Variants in LHFPL2 observed in about 807,000 individuals in gnomAD.
The protein encoded by LHFPL2 is LHFPL tetraspan subfamily member 2 protein.
In LHFPL2, 7 loss-of-function variants were observed where a neutral mutation model predicts 17.5. That is an observed-to-expected ratio of 0.40 (90% confidence interval 0.23 to 0.75). The LOEUF (loss-of-function observed/expected upper bound fraction) is 0.75. Ranked by LOEUF, LHFPL2 falls within the 30% of genes least tolerant of loss-of-function variation. LHFPL2 has a pLI of 0.37. For missense variants in LHFPL2, 241 were observed against 294.8 expected (o/e 0.82, Z 1.34); for synonymous variants, 134 against 116.2 (o/e 1.15, Z -0.99).
chr5:78,496,764 C>T (rs548658469), intron 4 of LHFPL2, among the ~76,000 whole-genome samples: 2 of 152,332 alleles, frequency 1.3e-5, no homozygotes, highest in Non-Finnish European at 2.9e-5. Flanking sequence ...GATCATCAGC[C>T]AGTGCTCTGC....
At chr5:78,584,730 T>G (rs1272220420) in intron 2 of LHFPL2, among the ~76,000 whole-genome samples, 2 of 152,170 alleles carry the variant, frequency 1.3e-5, no homozygotes, top group African/African-American at 2.4e-5. Flanking sequence ...GTTATTGCTG[T>G]CTTTTTGTTT....
intron 2 of LHFPL2, among the ~76,000 whole-genome samples, chr5:78,592,784 T>TAC (rs370959500): frequency 0.014 from 2,027 of 140,288 alleles, 100 homozygotes; most frequent in African/African-American, 0.056. Context: ...AAAATTCAGA[T>TAC]ACACACACAC....
rs1754214902 is a variant in LHFPL2 at position 78,485,694 on chromosome 5, G to A, written c.*3203C>T. 1 of 152,552 alleles carries A rather than the reference G, an allele frequency of 6.6e-6. No individual in the cohort carries two copies. The highest frequency in any genetic ancestry group is 1.5e-5 in the Non-Finnish European group (1 of 68,018). 9.4% of individuals were successfully genotyped at this position (152,552 alleles called of 1,614,324 possible). A position where few individuals can be genotyped will look rare whatever the true frequency, so the allele number is the denominator to read the frequency against. On this transcript the variant is annotated 3_prime_UTR_variant, in exon 5 of 5. Transcript: ENST00000380345. ...TCTAGCATTAGCATGGTCTATAAAA[G>A]CATGTTAAGAAATAGCTCCTCAGTG...
intron 4 of LHFPL2, chr5:78,494,629 C>T (rs1754547654): frequency 4.5e-6 from 2 of 444,538 alleles, no homozygotes; most frequent in South Asian, 1.9e-4. Context: ...GACAACCTCA[C>T]CGATGGTCAT....
intron 3 of LHFPL2, among the ~76,000 whole-genome samples, chr5:78,514,272 G>C (rs537103285): frequency 1.8e-4 from 27 of 152,040 alleles, no homozygotes; most frequent in African/African-American, 6.5e-4. Context: ...TCACATCCCA[G>C]GTGATTGTGG....
chr5:78,606,143 A>T lies in LHFPL2; in HGVS notation c.-245+26121T>A, dbSNP rs529013271. Reference sequence around the variant, plus strand: ...GGTCAGGTTTCTTGAGGGGAACAAAACTTAACAAAATAACCTTATGCCAGT... The same window carrying T: ...GGTCAGGTTTCTTGAGGGGAACAAATCTTAACAAAATAACCTTATGCCAGT... On this transcript the variant is annotated intron_variant, in intron 2 of 4. Coordinates refer to ENST00000380345, the MANE Select transcript of LHFPL2 (RefSeq NM_005779.3). 3.3e-5 allele frequency among the ~76,000 whole-genome samples: 5 copies of T among 152,324 alleles called. No individual in the cohort carries two copies. The South Asian group carries it at 1.0e-3, about 32-fold the overall frequency.
In LHFPL2 at chr5:78,487,935, A is replaced by G. The variant is rs1162003874; in HGVS notation, c.*962T>C. The G allele has an allele frequency of 6.6e-6, 1 of 152,218 alleles. No homozygotes were observed. Among genetic ancestry groups the G allele is most frequent in the Non-Finnish European group, 1.5e-5 (1 of 68,040 alleles). 9.4% of individuals were successfully genotyped at this position (152,218 alleles called of 1,614,324 possible). ...GATTGGAAATAGAGCTGACTACAGCATGGTCACCAAACTGGGAGTAAAGGT... is the reference window on the plus strand; with the variant it reads ...GATTGGAAATAGAGCTGACTACAGCGTGGTCACCAAACTGGGAGTAAAGGT... On this transcript the variant is annotated 3_prime_UTR_variant, in exon 5 of 5. Coordinates refer to ENST00000380345, the MANE Select transcript of LHFPL2 (RefSeq NM_005779.3).
intron 2 of LHFPL2, among the ~76,000 whole-genome samples, chr5:78,594,498 C>T (rs756344537): frequency 6.6e-6 from 1 of 152,184 alleles, no homozygotes; most frequent in Non-Finnish European, 1.5e-5. Context: ...AAGCAGCTGA[C>T]ACACAGCCAC....
At chr5:78,540,359 C>T (rs929721853) in intron 3 of LHFPL2, among the ~76,000 whole-genome samples, 1 of 152,218 alleles carries the variant, frequency 6.6e-6, no homozygotes, top group African/African-American at 2.4e-5. Flanking sequence ...TCTGCCAATG[C>T]TGCAAAACTG....
chr5:78,643,384 C>T lies in LHFPL2; in HGVS notation c.-350+5115G>A, dbSNP rs992904837. Among the ~76,000 whole-genome samples the T allele has an allele frequency of 2.6e-5, 4 of 152,184 alleles. No individual in the cohort carries two copies. In the South Asian group the frequency reaches 8.3e-4, roughly 32 times the overall value. On this transcript the variant is annotated intron_variant, in intron 1 of 4. Transcript: ENST00000380345. Reference sequence around the variant, plus strand: ...AAAAGAGAATCAAGTATTTCAAATGCCAGCTAAGACTCTTCTCTGGACACA... The same window carrying T: ...AAAAGAGAATCAAGTATTTCAAATGTCAGCTAAGACTCTTCTCTGGACACA...
chr5:78,623,661 G>A (rs1744936620), intron 2 of LHFPL2, among the ~76,000 whole-genome samples: 1 of 152,130 alleles, frequency 6.6e-6, no homozygotes, highest in African/African-American at 2.4e-5. Flanking sequence ...CCTCACTTTT[G>A]TTTATACTTT....
At chr5:78,570,609 G>T (rs1353851201) in intron 2 of LHFPL2, among the ~76,000 whole-genome samples, 1 of 147,204 alleles carries the variant, frequency 6.8e-6, no homozygotes, top group Non-Finnish European at 1.5e-5. Flanking sequence ...TTTTAACCTT[G>T]AATATATATA....
chr5:78,618,464 T>C (rs1281419885), intron 2 of LHFPL2, among the ~76,000 whole-genome samples: 1 of 152,174 alleles, frequency 6.6e-6, no homozygotes, highest in African/African-American at 2.4e-5. Flanking sequence ...TCTAGAGGCT[T>C]GGTTTGCATG....
intron 2 of LHFPL2, among the ~76,000 whole-genome samples, chr5:78,592,667 AG>A (rs1743674837): frequency 1.6e-5 from 1 of 61,398 alleles, no homozygotes; most frequent in African/African-American, 5.9e-5. Flanking sequence ...TGAAAAATTC[AG>A]ATACACACAC....
intron 4 of LHFPL2, among the ~76,000 whole-genome samples, chr5:78,505,826 T>C (rs924230900): frequency 6.6e-6 from 1 of 152,254 alleles, no homozygotes; most frequent in Non-Finnish European, 1.5e-5. Context: ...TGCTTAAGCC[T>C]TTCTCATATA....
intron 3 of LHFPL2, among the ~76,000 whole-genome samples, chr5:78,533,287 A>C (rs1446867027): frequency 2.6e-5 from 4 of 152,286 alleles, no homozygotes; most frequent in African/African-American, 9.6e-5. Context: ...TTGAGCCTTC[A>C]CCGTAAGATG....
At chr5:78,564,298 A>G (rs1756804102) in intron 3 of LHFPL2, among the ~76,000 whole-genome samples, 2 of 152,360 alleles carry the variant, frequency 1.3e-5, no homozygotes, top group South Asian at 4.1e-4. Flanking sequence ...AATATTTTCA[A>G]AAAGTGACCT....
chr5:78,509,743 C>T (rs755270221), intron 4 of LHFPL2, 41 bp downstream of exon 4: 11 of 1,580,192 alleles, frequency 7.0e-6, no homozygotes, highest in African/African-American at 1.3e-5. Flanking sequence ...GGCAGCTCTC[C>T]ATCCCTCCAT....
At chr5:78,595,569 C>T (rs1743794198) in intron 2 of LHFPL2, among the ~76,000 whole-genome samples, 1 of 152,178 alleles carries the variant, frequency 6.6e-6, no homozygotes, top group East Asian at 1.9e-4. Context: ...GTAAGTGCAG[C>T]AGCGTGACCA....
Sources: allele counts gnomAD v4.1 joint callset (sites outside exome capture counted in the v4.1 genomes callset), GRCh38; gene constraint gnomAD v4.1.1; transcripts MANE v1.5; gene names NCBI Gene and HGNC (gene_info 2026-07-23, HGNC 2026-07-21).